The following TSPAN18 variants were observed in gnomAD, a reference collection of about 807,000 sequenced individuals.
TSPAN18 encodes the protein tetraspanin-18.
In TSPAN18, 14 loss-of-function variants were observed where a neutral mutation model predicts 27.3. The observed-to-expected ratio is 0.51, with a 90% CI of 0.34 to 0.80. The LOEUF (loss-of-function observed/expected upper bound fraction) is 0.80. Among genes scored for constraint, TSPAN18 ranks in the 30% least tolerant of loss-of-function variants. The pLI is 0.01. For synonymous variants in TSPAN18, 143 were observed against 136.5 expected (o/e 1.05, Z -0.33); for missense variants, 268 against 323.9 (o/e 0.83, Z 1.32).
At chr11:44,767,819 G>T (rs1597884) in intron 2 of TSPAN18, among the ~76,000 whole-genome samples, 104,952 of 152,120 alleles carry the variant, frequency 0.69, 37,249 homozygotes, top group Non-Finnish European at 0.77. Context: ...CTAGTGTATG[G>T]GGACATCCAC....
At chr11:44,862,735 A>G (rs1857931206) in intron 3 of TSPAN18, among the ~76,000 whole-genome samples, 1 of 152,210 alleles carries the variant, frequency 6.6e-6, no homozygotes, top group Admixed American at 6.5e-5. Flanking sequence ...GTGCTAAACC[A>G]TAACTGGGCT....
intron 5 of TSPAN18, among the ~76,000 whole-genome samples, chr11:44,910,628 G>C (rs1029273950): frequency 6.6e-6 from 1 of 152,248 alleles, no homozygotes; most frequent in Non-Finnish European, 1.5e-5. Context: ...AGTGGATGAG[G>C]CCTTCCCCTT....
Position 44,930,720 on chromosome 11 carries a change from G to A in TSPAN18, c.*1542G>A. ...TGCTGGGGATCTGAGGTTTGGTCTG[G>A]GCTCAGTGGGAGACGGCAGTGCAAT... On this transcript the variant is annotated 3_prime_UTR_variant, in exon 10 of 10. Transcript: ENST00000520358. 1 of 404,630 alleles carries A rather than the reference G, an allele frequency of 2.5e-6. No homozygotes were observed. Among genetic ancestry groups the A allele is most frequent in the Non-Finnish European group, 5.1e-6 (1 of 197,768 alleles). 25.1% of individuals were successfully genotyped at this position (404,630 alleles called of 1,614,324 possible).
rs186030174 is a variant in TSPAN18, at chr11:44,923,251, C to G, written c.615+3252C>G. 2.4e-3 allele frequency among the ~76,000 whole-genome samples: 367 copies of G among 152,268 alleles called. 2 individuals are homozygous for G. The highest frequency in any genetic ancestry group is 0.013 in the Admixed American group (199 of 15,296). On this transcript the variant is annotated intron_variant, in intron 8 of 9. Transcript: ENST00000520358. ...GCGTGTGGGTGACCCATTGTGGTGG[C>G]AACCAGGCCTGGCTGCCCCTCATCA... is the stretch of plus-strand genomic sequence containing the variant.
intron 1 of TSPAN18, among the ~76,000 whole-genome samples, chr11:44,730,797 T>C (rs932773416): frequency 1.3e-5 from 2 of 150,358 alleles, no homozygotes; most frequent in Non-Finnish European, 3.0e-5. Flanking sequence ...CTAATTTTTT[T>C]TGAATTTTTA....
At chr11:44,748,767 C>G (rs547093659) in intron 1 of TSPAN18, among the ~76,000 whole-genome samples, 12 of 152,312 alleles carry the variant, frequency 7.9e-5, no homozygotes, top group African/African-American at 2.9e-4. Flanking sequence ...CAAGTTGCCA[C>G]TGTGAATGGG....
At chr11:44,767,201 C>A (rs1855587214) in intron 2 of TSPAN18, among the ~76,000 whole-genome samples, 1 of 152,180 alleles carries the variant, frequency 6.6e-6, no homozygotes, top group Non-Finnish European at 1.5e-5. Flanking sequence ...GGAGCTACCT[C>A]AAGTATGAGC....
At chr11:44,837,430 A>T (rs1857285725) in intron 2 of TSPAN18, among the ~76,000 whole-genome samples, 1 of 152,240 alleles carries the variant, frequency 6.6e-6, no homozygotes, top group South Asian at 2.1e-4. Context: ...ATGGATAAGC[A>T]AAGAGATGGA....
intron 2 of TSPAN18, among the ~76,000 whole-genome samples, chr11:44,805,148 G>T (rs1856565079): frequency 6.6e-6 from 1 of 152,212 alleles, no homozygotes; most frequent in African/African-American, 2.4e-5. Flanking sequence ...AACAGAGCTG[G>T]TTATCGCTTT....
chr11:44,730,720 TTCAAGCGA>T (rs2134788168), intron 1 of TSPAN18, among the ~76,000 whole-genome samples: 1 of 150,626 alleles, frequency 6.6e-6, no homozygotes, highest in Non-Finnish European at 1.5e-5. Flanking sequence ...GCCTCCCGAG[TTCAAGCGA>T]TTCTCCTGCC....
At chr11:44,828,002 C>CTTGAG (rs1409312239) in intron 2 of TSPAN18, among the ~76,000 whole-genome samples, 3 of 152,166 alleles carry the variant, frequency 2.0e-5, no homozygotes, top group South Asian at 2.1e-4. Context: ...TGGCTTCAAC[C>CTTGAG]TTACTCATGT....
At chr11:44,820,667 G>A (rs778015914) in intron 2 of TSPAN18, among the ~76,000 whole-genome samples, 38 of 151,026 alleles carry the variant, frequency 2.5e-4, no homozygotes, top group Non-Finnish European at 3.7e-4. Flanking sequence ...TTGTCCCCCC[G>A]CCCCCAATCT....
intron 2 of TSPAN18, among the ~76,000 whole-genome samples, chr11:44,818,836 C>T (rs1193024790): frequency 6.6e-6 from 1 of 151,934 alleles, no homozygotes; most frequent in African/African-American, 2.4e-5. Context: ...CTGGCTGGGG[C>T]TCAAGGGGCC....
chr11:44,919,190 C>T, intron 6 of TSPAN18, 24 bp from the exon 7 acceptor site: 2 of 1,601,632 alleles, frequency 1.2e-6, no homozygotes, highest in Non-Finnish European at 8.6e-7. Context: ...CAGGCCTAAG[C>T]CCATCTTCTC....
At chr11:44,757,696 G>T (rs1233658511) in intron 1 of TSPAN18, among the ~76,000 whole-genome samples, 1 of 152,100 alleles carries the variant, frequency 6.6e-6, no homozygotes, top group East Asian at 1.9e-4. Flanking sequence ...CCTCATTGCA[G>T]GTTTTGATTT....
At chr11:44,746,970 G>A (rs547665265) in intron 1 of TSPAN18, among the ~76,000 whole-genome samples, 1 of 152,328 alleles carries the variant, frequency 6.6e-6, no homozygotes, top group South Asian at 2.1e-4. Flanking sequence ...GTGAGATGTG[G>A]GAAACCCATT....
At chr11:44,902,816 C>T (rs917043898) in intron 3 of TSPAN18, among the ~76,000 whole-genome samples, 6 of 152,194 alleles carry the variant, frequency 3.9e-5, no homozygotes, top group Non-Finnish European at 7.3e-5. Context: ...GGGCTGTCCT[C>T]ACCCAGGAGA....
chr11:44,890,880 A>T (rs1357390605), intron 3 of TSPAN18, among the ~76,000 whole-genome samples: 1 of 152,128 alleles, frequency 6.6e-6, no homozygotes, highest in Non-Finnish European at 1.5e-5. Context: ...TGCTTTTAAA[A>T]AAGTATTTTG....
intron 1 of TSPAN18, among the ~76,000 whole-genome samples, chr11:44,742,118 T>C (rs1854952008): frequency 6.6e-6 from 1 of 152,054 alleles, no homozygotes; most frequent in Non-Finnish European, 1.5e-5. Flanking sequence ...GGAGGGGGTA[T>C]GAGAAAGTGG....
Sources: gnomAD v4.1 joint callset for allele counts (sites outside exome capture counted in the v4.1 genomes callset) on GRCh38, gnomAD v4.1.1 for gene constraint, MANE v1.5 for transcripts, NCBI Gene and HGNC (gene_info 2026-07-23, HGNC 2026-07-21) for gene names.